MSRA: variants seen among roughly 807,000 people sequenced by gnomAD.
MSRA encodes methionine sulfoxide reductase A, also known as mitochondrial peptide methionine sulfoxide reductase.
Under a neutral mutation model 31.3 loss-of-function variants are expected in MSRA, and 54 were observed. That is an observed-to-expected ratio of 1.73 (90% CI 1.39 to 2.17). MSRA has a LOEUF of 2.17. Ranked by LOEUF, MSRA falls within the 30% of genes most tolerant of loss-of-function variation. The pLI, the probability that MSRA is intolerant of heterozygous loss-of-function variation, is 0.00. For synonymous variants in MSRA, 169 were observed against 116.5 expected, an observed-to-expected ratio of 1.45 and a Z score of -2.90; for missense variants, 507 against 300.9, an observed-to-expected ratio of 1.69 and a Z score of -5.07.
chr8:10,310,873 C>T lies in MSRA; in HGVS notation c.437-9010C>T, dbSNP rs1469482663. The stretch of plus-strand genomic sequence containing the variant: ...CAGCACATTATCCGATGATTTTAAA[C>T]TCTTTGTGATGTCCATTACAATTTT... On this transcript the variant is annotated intron_variant, in intron 4 of 5. Transcript: ENST00000317173. Among the ~76,000 whole-genome samples the T allele has an allele frequency of 2.0e-5, 3 of 152,242 alleles. No individual in the cohort carries two copies. The South Asian group carries it at 6.2e-4, about 31-fold the overall frequency.
intron 5 of MSRA, among the ~76,000 whole-genome samples, chr8:10,349,002 A>T (rs1803962189): frequency 6.6e-6 from 1 of 152,242 alleles, no homozygotes; most frequent in South Asian, 2.1e-4. Flanking sequence ...CATTCAGAGC[A>T]TGCCAGCCCC....
At chr8:10,240,087 C>T (rs1263190218) in intron 2 of MSRA, among the ~76,000 whole-genome samples, 1 of 152,174 alleles carries the variant, frequency 6.6e-6, no homozygotes, top group African/African-American at 2.4e-5. Context: ...ATTTAGGGGA[C>T]AGAAGTTGGC....
At chr8:10,339,312 T>C (rs1197686948) in intron 5 of MSRA, among the ~76,000 whole-genome samples, 1 of 152,190 alleles carries the variant, frequency 6.6e-6, no homozygotes, top group African/African-American at 2.4e-5. Context: ...AAATAACTTT[T>C]CTTCAGAAGG....
intron 1 of MSRA, among the ~76,000 whole-genome samples, chr8:10,098,825 T>A (rs4841279): frequency 0.53 from 80,527 of 152,128 alleles, 23,440 homozygotes; most frequent in Middle Eastern, 0.67. Flanking sequence ...GAAACTGAGA[T>A]TGAGCCACTG....
At chr8:10,417,982 C>T (rs1429414149) in intron 5 of MSRA, among the ~76,000 whole-genome samples, 1 of 152,138 alleles carries the variant, frequency 6.6e-6, no homozygotes, top group East Asian at 1.9e-4. Flanking sequence ...GAGTTTTCCC[C>T]TAAAGCAGCT....
chr8:10,096,085 A>G (rs1423723015), intron 1 of MSRA: 25 of 1,352,618 alleles, frequency 1.8e-5, no homozygotes, highest in Non-Finnish European at 2.4e-5. Context: ...TTAGACATTT[A>G]TAGACATTAA....
intron 3 of MSRA, 95 bp downstream of exon 3, chr8:10,245,318 T>G: frequency 1.7e-6 from 2 of 1,189,088 alleles, no homozygotes; most frequent in African/African-American, 1.5e-5. Context: ...GAAATATGTT[T>G]TTTTAAAAAT....
chr8:10,294,590 T>C (rs759874090), intron 3 of MSRA, among the ~76,000 whole-genome samples: 1 of 152,186 alleles, frequency 6.6e-6, no homozygotes, highest in Non-Finnish European at 1.5e-5. Flanking sequence ...CATGCTCCTT[T>C]GGTCTGGGTG....
At chr8:10,138,936 C>T (rs1563140348) in intron 1 of MSRA, among the ~76,000 whole-genome samples, 2 of 152,154 alleles carry the variant, frequency 1.3e-5, no homozygotes, top group Admixed American at 6.5e-5. Flanking sequence ...GCTCCTTGTC[C>T]CCAGAAATAC....
chr8:10,223,391 G>C (rs1338110058), intron 2 of MSRA, among the ~76,000 whole-genome samples: 1 of 152,206 alleles, frequency 6.6e-6, no homozygotes, highest in Non-Finnish European at 1.5e-5. Context: ...ATCAGTGCTT[G>C]AAATAAGACT....
intron 1 of MSRA, among the ~76,000 whole-genome samples, chr8:10,180,152 G>A (rs1478897865): frequency 6.6e-6 from 1 of 152,156 alleles, no homozygotes; most frequent in East Asian, 1.9e-4. Flanking sequence ...TCTCTGACTT[G>A]ACTACCTGAC....
chr8:10,283,129 T>TACACACACACACACACACACACAC (rs66507479), intron 3 of MSRA, among the ~76,000 whole-genome samples: 2 of 138,488 alleles, frequency 1.4e-5, no homozygotes, highest in African/African-American at 2.7e-5. Context: ...ATATTCACAT[T>TACACACACACACACACACACACAC]ACACACACAC....
chr8:10,413,437 G>T (rs78969135), intron 5 of MSRA, among the ~76,000 whole-genome samples: 7 of 152,224 alleles, frequency 4.6e-5, no homozygotes, highest in African/African-American at 1.7e-4. Context: ...CACACTGTGG[G>T]GCAGGACATC....
intron 3 of MSRA, among the ~76,000 whole-genome samples, chr8:10,259,595 T>G (rs1172783975): frequency 6.6e-6 from 1 of 152,086 alleles, no homozygotes; most frequent in African/African-American, 2.4e-5. Context: ...GAGTACTTAC[T>G]AGGTGCAAAA....
chr8:10,098,093 T>G (rs1018197678), intron 1 of MSRA, among the ~76,000 whole-genome samples: 1 of 152,192 alleles, frequency 6.6e-6, no homozygotes, highest in Non-Finnish European at 1.5e-5. Flanking sequence ...AGACATTTAG[T>G]TGTAACATAA....
At position 10,061,012 on chromosome 8, in the gene MSRA, C is replaced by T. The variant is rs138893659; in HGVS notation, c.142+6354C>T. Reference sequence around the variant, plus strand: ...TGATTAATTTCTAAATTGTAGGATACAGAATTGTTATTTCCCCTCTTTGCA... The same window carrying T: ...TGATTAATTTCTAAATTGTAGGATATAGAATTGTTATTTCCCCTCTTTGCA... On this transcript the variant is annotated intron_variant, in intron 1 of 5. Coordinates refer to ENST00000317173, the MANE Select transcript of MSRA (RefSeq NM_012331.5). Among the ~76,000 whole-genome samples the T allele has an allele frequency of 2.4e-4, 37 of 152,288 alleles. No individual in the cohort carries two copies. In the South Asian group the frequency reaches 4.8e-3, roughly 20 times the overall value.
chr8:10,428,278 C>T lies in MSRA; in HGVS notation c.674C>T (p.Thr225Ile), dbSNP rs754466171. The change falls in exon 6 of 6, where the codon ACC becomes ATC. Residue 225 changes from threonine (T) to isoleucine (I), a missense_variant. Physicochemically the swap from Thr to Ile is moderately conservative, Grantham distance 89. Coordinates refer to ENST00000317173, the MANE Select transcript of MSRA (RefSeq NM_012331.5). The stretch of plus-strand genomic sequence containing the variant: ...AATGGCTACTGCGGCCTTGGGGGCA[C>T]CGGCGTGTCCTGCCCAGTGGGTATT... ...NPNGYCGLGG[T>I]GVSCPVGIKK is the part of the protein sequence containing the mutation. 27 of 1,613,876 alleles carry T rather than the reference C, an allele frequency of 1.7e-5. No homozygotes were observed. The East Asian group carries it at 4.7e-4, about 28-fold the overall frequency.
chr8:10,268,233 A>G (rs1438321774), intron 3 of MSRA, among the ~76,000 whole-genome samples: 2 of 152,238 alleles, frequency 1.3e-5, no homozygotes, highest in Non-Finnish European at 2.9e-5. Flanking sequence ...TCTAGCTATA[A>G]CAAGCAGTTT....
At position 10,235,491 on chromosome 8, in the gene MSRA, C is replaced by T. The variant is rs146640801; in HGVS notation, c.212-9613C>T. On this transcript the variant is annotated intron_variant, in intron 2 of 5. Transcript: ENST00000317173. ...TCATATCAAGAAGGTAGGAAATGAG[C>T]AGACTAACAGACCAAAAAGTAAACT... is the stretch of plus-strand genomic sequence containing the variant. Among the ~76,000 whole-genome samples, 434 of 152,112 alleles carry T rather than the reference C, an allele frequency of 2.9e-3. 4 individuals are homozygous for T. The highest frequency in any genetic ancestry group is 9.7e-3 in the African/African-American group (403 of 41,514).
Sources: allele counts gnomAD v4.1 joint callset (sites outside exome capture counted in the v4.1 genomes callset), GRCh38; gene constraint gnomAD v4.1.1; transcripts MANE v1.5; gene names NCBI Gene and HGNC (gene_info 2026-07-23, HGNC 2026-07-21).